Variants in CTCF observed in about 807,000 individuals in gnomAD.
CTCF encodes the protein transcriptional repressor CTCF.
Under a neutral mutation model 72.3 loss-of-function variants are expected in CTCF, and 7 were observed. The ratio of observed to expected loss-of-function variants is 0.10; its 90% CI spans 0.06 to 0.18. The LOEUF (loss-of-function observed/expected upper bound fraction) is 0.18. CTCF is among the 10% of genes least tolerant of loss of function. The pLI is 1.00. For missense variants in CTCF, 516 were observed against 949.1 expected (o/e 0.54, Z 6.00); for synonymous variants, 374 against 315.8 (o/e 1.18, Z -1.95).
chr16:67,562,571 C>T lies in CTCF; in HGVS notation c.-280C>T, dbSNP rs994990831. ...CGCCGCCGCCATTTTGTGTCTGAGC[C>T]TGTGGAGCGATTAAACCGTGCGCGG... On this transcript the variant is annotated 5_prime_UTR_variant, in exon 1 of 12. Transcript: ENST00000264010. The T allele has an allele frequency of 2.0e-5, 3 of 152,160 alleles. No homozygotes were observed. In the East Asian group the frequency reaches 5.8e-4, roughly 29 times the overall value. 9.4% of individuals were successfully genotyped at this position (152,160 alleles called of 1,614,324 possible). A position where few individuals can be genotyped will look rare whatever the true frequency, so the allele number is the denominator to read the frequency against.
chr16:67,580,715 C>T (rs1035707794), intron 2 of CTCF, among the ~76,000 whole-genome samples: 1 of 150,746 alleles, frequency 6.6e-6, no homozygotes, highest in Non-Finnish European at 1.5e-5. Context: ...GCGTGCACCA[C>T]CACACTCGGC....
chr16:67,629,290 A>G (rs1243922903), intron 9 of CTCF, 108 bp from the exon 10 acceptor site: 2 of 1,025,700 alleles, frequency 1.9e-6, no homozygotes, highest in East Asian at 5.0e-5. Flanking sequence ...CACACTTAGC[A>G]GATACTAGAA....
intron 7 of CTCF, among the ~76,000 whole-genome samples, chr16:67,625,269 C>T (rs974992827): frequency 2.6e-4 from 39 of 152,096 alleles, no homozygotes; most frequent in African/African-American, 8.7e-4. Context: ...TGGCTCACTG[C>T]AACCTCTGCC....
intron 10 of CTCF, among the ~76,000 whole-genome samples, chr16:67,631,154 G>GTTTGTT (rs2052357243): frequency 8.0e-6 from 1 of 125,026 alleles, no homozygotes; most frequent in African/African-American, 3.4e-5. Context: ...TTCTTTGTTT[G>GTTTGTT]TTTTTTTTTT....
intron 1 of CTCF, chr16:67,563,476 C>T (rs1282194566): frequency 4.6e-5 from 7 of 152,206 alleles, no homozygotes; most frequent in Admixed American, 4.6e-4. Context: ...CTGCTCGCAC[C>T]TCTACGCTGC....
At chr16:67,632,973 CAA>C (rs2052384525) in intron 10 of CTCF, among the ~76,000 whole-genome samples, 1 of 152,176 alleles carries the variant, frequency 6.6e-6, no homozygotes, top group South Asian at 2.1e-4. Flanking sequence ...GGAGGGATAA[CAA>C]AAGCTCTTTG....
At chr16:67,582,575 C>T (rs2051599527) in intron 2 of CTCF, among the ~76,000 whole-genome samples, 1 of 151,880 alleles carries the variant, frequency 6.6e-6, no homozygotes, top group Non-Finnish European at 1.5e-5. Flanking sequence ...TGCCTGTAAT[C>T]CCAGCTACTT....
At chr16:67,593,372 G>T (rs2051771514) in intron 2 of CTCF, among the ~76,000 whole-genome samples, 1 of 151,888 alleles carries the variant, frequency 6.6e-6, no homozygotes. Context: ...TAATCCCTAA[G>T]GCCTATTGTT....
At chr16:67,614,054 G>A (rs759322621) in intron 4 of CTCF, among the ~76,000 whole-genome samples, 13 of 152,026 alleles carry the variant, frequency 8.6e-5, no homozygotes, top group Non-Finnish European at 1.5e-4. Context: ...CCTCTGTTAC[G>A]ATGCTGTAGC....
chr16:67,576,977 G>A (rs2051506430), intron 2 of CTCF, among the ~76,000 whole-genome samples: 1 of 152,070 alleles, frequency 6.6e-6, no homozygotes, highest in Non-Finnish European at 1.5e-5. Flanking sequence ...TTGGGGAGGG[G>A]ACTGCGAATT....
intron 7 of CTCF, among the ~76,000 whole-genome samples, chr16:67,622,689 G>C (rs1341622610): frequency 6.7e-6 from 1 of 149,798 alleles, no homozygotes; most frequent in Admixed American, 6.7e-5. Context: ...CGTCACCCAG[G>C]CTGGAGTATG....
chr16:67,585,564 T>C (rs2051658747), intron 2 of CTCF, among the ~76,000 whole-genome samples: 1 of 152,190 alleles, frequency 6.6e-6, no homozygotes. Flanking sequence ...GAACAGAACA[T>C]CCTTACAGGC....
At chr16:67,617,382 C>T (rs1319166269) in intron 5 of CTCF, among the ~76,000 whole-genome samples, 5 of 152,102 alleles carry the variant, frequency 3.3e-5, no homozygotes, top group Non-Finnish European at 5.9e-5. Context: ...ACCTATAGTC[C>T]CAGCTACTCG....
chr16:67,631,738 C>T (rs1338529263), intron 10 of CTCF, among the ~76,000 whole-genome samples: 1 of 119,824 alleles, frequency 8.3e-6, no homozygotes, highest in East Asian at 2.7e-4. Flanking sequence ...TAAGTAGCAT[C>T]TTCTTCAGTC....
intron 2 of CTCF, among the ~76,000 whole-genome samples, chr16:67,600,681 A>T (rs889151299): frequency 6.6e-6 from 1 of 152,170 alleles, no homozygotes; most frequent in Non-Finnish European, 1.5e-5. Flanking sequence ...AGTCATAAGG[A>T]CAGATTTTTT....
At chr16:67,630,866 AGTGTGGATATCTAG>A (rs2052353363) in intron 10 of CTCF, among the ~76,000 whole-genome samples, 1 of 152,208 alleles carries the variant, frequency 6.6e-6, no homozygotes, top group South Asian at 2.1e-4. Flanking sequence ...TAGATTCTGT[AGTGTGGATATCTAG>A]GTTGCTGGCA....
At chr16:67,632,093 A>G (rs1355753679) in intron 10 of CTCF, among the ~76,000 whole-genome samples, 9 of 149,876 alleles carry the variant, frequency 6.0e-5, no homozygotes, top group East Asian at 3.9e-4. Context: ...AAAAAAAGGG[A>G]AAAAAATTAT....
chr16:67,578,443 G>T (rs888449448), intron 2 of CTCF, among the ~76,000 whole-genome samples: 1 of 139,328 alleles, frequency 7.2e-6, no homozygotes, highest in Non-Finnish European at 1.5e-5. Flanking sequence ...AGTGATTCTT[G>T]TGCCTCAGCC....
intron 3 of CTCF, 123 bp downstream of exon 3, chr16:67,611,736 C>A: frequency 1.9e-6 from 2 of 1,060,940 alleles, no homozygotes; most frequent in Non-Finnish European, 2.7e-6. Context: ...GGGTACCGTT[C>A]TTTAAAACCA....
Sources: allele counts gnomAD v4.1 joint callset (sites outside exome capture counted in the v4.1 genomes callset), GRCh38; gene constraint gnomAD v4.1.1; transcripts MANE v1.5; gene names NCBI Gene and HGNC (gene_info 2026-07-23, HGNC 2026-07-21).